The following SCN9A variants were observed in gnomAD, a reference collection of about 807,000 sequenced individuals.
The protein encoded by SCN9A is sodium voltage-gated channel alpha subunit 9, also known as sodium channel protein type 9 subunit alpha.
In SCN9A, 131 loss-of-function variants were observed where a neutral mutation model predicts 187.0. That is an observed-to-expected ratio of 0.70 (90% CI 0.61 to 0.81). The LOEUF (loss-of-function observed/expected upper bound fraction) is 0.81, where lower values mean the gene tolerates loss of function less well. Ranked by LOEUF, SCN9A falls within the 30% of genes least tolerant of loss-of-function variation. The probability of loss-of-function intolerance (pLI) is 0.00; values close to 1 mark genes in which losing one functional copy is unlikely to be tolerated. For missense variants in SCN9A, 2,252 were observed against 2,396.6 expected (o/e 0.94, Z 1.26); for synonymous variants, 809 against 808.6 (o/e 1.00, Z -0.01).
chr2:166,280,583 G>T lies in SCN9A; in HGVS notation c.2117C>A (p.Ser706Tyr), dbSNP rs1446356634. Residue 706 changes from serine (S) to tyrosine (Y), a missense_variant, in exon 14 of 27, where the codon TCC (serine) becomes TAC (tyrosine). Physicochemically the swap from Ser to Tyr is moderately radical, Grantham distance 144. Coordinates refer to ENST00000642356, the MANE Select transcript of SCN9A (RefSeq NM_001365536.1). Reference protein sequence around the residue: ...LTNTVEELEESRQKCPPWWYR... With the variant: ...LTNTVEELEEYRQKCPPWWYR... ...CCACCAAGGTGGACATTTTTGTCTG[G>T]ACTCTTCAAGTTCTGGGAGAAAAAA... 1.3e-6 allele frequency: 2 copies of T among 1,571,140 alleles called. No individual in the cohort carries two copies. The highest frequency in any genetic ancestry group is 1.7e-6 in the Non-Finnish European group (2 of 1,155,148).
rs572880150 is a variant in SCN9A, at chr2:166,208,547, T to TATAG, written c.4399-4084_4399-4083insCTAT. Among the ~76,000 whole-genome samples, 347 of 73,300 alleles carry TATAG rather than the reference T, an allele frequency of 4.7e-3. 3 individuals carry two copies. The highest frequency in any genetic ancestry group is 0.016 in the African/African-American group (303 of 18,792). The allele number at this position is 73,300 out of a possible 152,430, so 48.1% of individuals were successfully genotyped here. A position where few individuals can be genotyped will look rare whatever the true frequency, so the allele number is the denominator to read the frequency against. ...AAATTTGTAATTATATATTTGTATA[T>TATAG]CATGTAATCTTCCTTTTTATAACTT... On this transcript the variant is annotated intron_variant, in intron 24 of 26. Coordinates refer to ENST00000642356, the MANE Select transcript of SCN9A (RefSeq NM_001365536.1).
At chr2:166,210,588 AAT>A (rs1259559148) in intron 24 of SCN9A, among the ~76,000 whole-genome samples, 1 of 151,826 alleles carries the variant, frequency 6.6e-6, no homozygotes, top group Non-Finnish European at 1.5e-5. Flanking sequence ...TAAAAAAAAA[AAT>A]GAGTGAAGGT....
intron 1 of SCN9A, among the ~76,000 whole-genome samples, chr2:166,338,506 G>A (rs1435644315): frequency 6.6e-6 from 1 of 151,836 alleles, no homozygotes. Context: ...TTTATTGTGA[G>A]CTAATTATAG....
intron 2 of SCN9A, among the ~76,000 whole-genome samples, chr2:166,308,999 T>A (rs536584686): frequency 2.0e-5 from 3 of 150,994 alleles, no homozygotes; most frequent in South Asian, 4.2e-4. Context: ...GAAAAGGAGT[T>A]TGAACAAAAA....
intron 1 of SCN9A, among the ~76,000 whole-genome samples, chr2:166,326,716 T>G (rs1042930483): frequency 2.0e-5 from 3 of 152,204 alleles, no homozygotes; most frequent in African/African-American, 7.2e-5. Flanking sequence ...TGAGAGCATA[T>G]TAGACTAACC....
chr2:166,205,415 G>C (rs537643189), intron 24 of SCN9A, among the ~76,000 whole-genome samples: 4 of 152,156 alleles, frequency 2.6e-5, no homozygotes, highest in African/African-American at 7.2e-5. Flanking sequence ...ACGGGGAAAG[G>C]CTTCCCTATT....
rs539907650 is a variant in SCN9A, at chr2:166,306,530, C to T, written c.447G>A (p.Pro149=). ...CTTACTCGACATTTTTGGTCCAGTC[C>T]GGTGGGTTATTCATGGTCATAAATA... is the stretch of plus-strand genomic sequence containing the variant. The part of the protein sequence containing the change: ...NCIFMTMNNP[P]DWTKNVEYTF... The change falls in exon 4 of 27, where the codon CCG becomes CCA. Residue 149 remains proline (P), a synonymous_variant. Coordinates refer to ENST00000642356, the MANE Select transcript of SCN9A (RefSeq NM_001365536.1). The T allele has an allele frequency of 8.9e-6, 14 of 1,570,850 alleles. No individual in the cohort carries two copies. The highest frequency in any genetic ancestry group is 4.6e-5 in the South Asian group (4 of 86,238).
Position 166,375,863 on chromosome 2 carries a change from C to A in SCN9A, c.-217G>T, listed in dbSNP as rs1700677070. The A allele has an allele frequency of 6.6e-6, 1 of 152,258 alleles. No individual in the cohort carries two copies. The highest frequency in any genetic ancestry group is 6.5e-5 in the Admixed American group (1 of 15,292). The allele number at this position is 152,258 out of a possible 1,614,324, so 9.4% of individuals were successfully genotyped here. ...CCGCTAGCAGCCACTGGCACCCAGG[C>A]TAGCCCAGCCTCAGCCGAGCTGGCG... On this transcript the variant is annotated 5_prime_UTR_variant, in exon 1 of 27. Transcript: ENST00000642356.
intron 16 of SCN9A, among the ~76,000 whole-genome samples, chr2:166,274,928 T>G (rs1697165690): frequency 6.6e-6 from 1 of 152,196 alleles, no homozygotes; most frequent in Admixed American, 6.6e-5. Flanking sequence ...TTTAACCTTA[T>G]TGGTAGAACT....
intron 8 of SCN9A, 117 bp from the exon 9 acceptor site, chr2:166,293,489 A>G (rs926181834): frequency 1.3e-5 from 11 of 845,604 alleles, no homozygotes; most frequent in Admixed American, 6.4e-5. Context: ...TTGAATAAGG[A>G]TTAAGAATAC....
At chr2:166,206,836 A>G (rs1423394839) in intron 24 of SCN9A, among the ~76,000 whole-genome samples, 1 of 152,224 alleles carries the variant, frequency 6.6e-6, no homozygotes, top group African/African-American at 2.4e-5. Flanking sequence ...TTCTAAATAA[A>G]GGATTTCAAC....
chr2:166,280,424 A>G lies in SCN9A; in HGVS notation c.2276T>C (p.Leu759Ser). Residue 759 changes from leucine to serine, a missense_variant, in exon 14 of 27, where the codon TTA becomes TCA. Coordinates refer to ENST00000642356, the MANE Select transcript of SCN9A (RefSeq NM_001365536.1). ...TGGGTGGTGTTCCATAGCCATAAAT[A>G]ATGTGTTTAAAACTATGCAAATGGT... Reference protein sequence around the residue: ...AITICIVLNTLFMAMEHHPMT... With the variant: ...AITICIVLNTSFMAMEHHPMT... 1.3e-6 allele frequency: 2 copies of G among 1,592,314 alleles called. No individual in the cohort carries two copies. The highest frequency in any genetic ancestry group is 1.7e-6 in the Non-Finnish European group (2 of 1,167,824).
chr2:166,299,138 C>A (rs946223934), intron 7 of SCN9A, among the ~76,000 whole-genome samples: 1 of 152,178 alleles, frequency 6.6e-6, no homozygotes, highest in African/African-American at 2.4e-5. Context: ...CTCCCTCTCT[C>A]TCCTGAATTG....
intron 1 of SCN9A, among the ~76,000 whole-genome samples, chr2:166,315,273 C>A (rs1448329955): frequency 6.6e-6 from 1 of 152,116 alleles, no homozygotes; most frequent in Non-Finnish European, 1.5e-5. Context: ...AGGGTACCAT[C>A]TCTTTCAAGA....
intron 2 of SCN9A, 126 bp downstream of exon 2, chr2:166,311,373 T>TATTTAA (rs1698947705): frequency 7.8e-6 from 1 of 127,416 alleles, no homozygotes; most frequent in Non-Finnish European, 1.6e-5. Context: ...TATATATATA[T>TATTTAA]ATATTTAATT....
intron 1 of SCN9A, among the ~76,000 whole-genome samples, chr2:166,363,177 G>A (rs199903431): frequency 1.6e-5 from 2 of 123,074 alleles, no homozygotes; most frequent in Non-Finnish European, 3.7e-5. Context: ...AATTAACAGA[G>A]AGAGGAGATT....
At chr2:166,291,452 A>G (rs1354918236) in intron 9 of SCN9A, among the ~76,000 whole-genome samples, 1 of 152,238 alleles carries the variant, frequency 6.6e-6, no homozygotes, top group Non-Finnish European at 1.5e-5. Context: ...AAAACATTCC[A>G]TACTCATGGA....
At chr2:166,296,276 T>C (rs1029536945) in intron 7 of SCN9A, 1 of 152,256 alleles carries the variant, frequency 6.6e-6, no homozygotes, top group Non-Finnish European at 1.5e-5. Flanking sequence ...CATTCTGTAC[T>C]AGCTGCTCAA....
intron 1 of SCN9A, among the ~76,000 whole-genome samples, chr2:166,312,989 T>A (rs1699007746): frequency 1.2e-5 from 1 of 85,316 alleles, no homozygotes; most frequent in Non-Finnish European, 2.9e-5. Flanking sequence ...ATAATATAAT[T>A]ATTATTTAAT....
Sources: allele counts gnomAD v4.1 joint callset (sites outside exome capture counted in the v4.1 genomes callset), GRCh38; gene constraint gnomAD v4.1.1; transcripts MANE v1.5; gene names NCBI Gene and HGNC (gene_info 2026-07-23, HGNC 2026-07-21).